Variants in SUCO observed in about 807,000 individuals in gnomAD.
The protein encoded by SUCO is SUN domain containing ossification factor.
In SUCO, 57 loss-of-function variants were observed where a neutral mutation model predicts 148.1. The ratio of observed to expected loss-of-function variants is 0.38; its 90% CI spans 0.31 to 0.48. SUCO has a LOEUF of 0.48. Among genes scored for constraint, SUCO ranks in the 20% least tolerant of loss-of-function variants. The pLI is 0.96. For missense variants in SUCO, 1,331 were observed against 1,468.2 expected, an observed-to-expected ratio of 0.91 and a Z score of 1.53; for synonymous variants, 470 against 502.7, an observed-to-expected ratio of 0.93 and a Z score of 0.87.
chr1:172,591,520 A>C (rs1354797752), intron 19 of SUCO, among the ~76,000 whole-genome samples: 6 of 146,826 alleles, frequency 4.1e-5, no homozygotes, highest in Non-Finnish European at 7.4e-5. Flanking sequence ...ATGAGTGAGA[A>C]TGTGCAGTGT....
At chr1:172,576,516 T>C (rs1655451324) in intron 11 of SUCO, among the ~76,000 whole-genome samples, 1 of 151,638 alleles carries the variant, frequency 6.6e-6, no homozygotes, top group Admixed American at 6.6e-5. Flanking sequence ...TCAAAATTAT[T>C]AGTTCAAAAA....
Position 172,552,052 on chromosome 1 carries a change from C to T in SUCO, c.177+426C>T, listed in dbSNP as rs553822624. 5 of 152,270 alleles carry T rather than the reference C, an allele frequency of 3.3e-5. No individual in the cohort carries two copies. The East Asian group carries it at 9.6e-4, about 29-fold the overall frequency. 9.4% of individuals were successfully genotyped at this position (152,270 alleles called of 1,614,324 possible). A position where few individuals can be genotyped will look rare whatever the true frequency, so the allele number is the denominator to read the frequency against. On this transcript the variant is annotated intron_variant, in intron 2 of 23. Transcript: ENST00000263688. ...AGTAAATATAAAGACTCCAAAAAAC[C>T]TCATGGTCTTAAAACATGTATTATT...
chr1:172,534,075 A>G (rs1447693531), intron 1 of SUCO, among the ~76,000 whole-genome samples: 3 of 152,040 alleles, frequency 2.0e-5, no homozygotes, highest in African/African-American at 7.3e-5. Flanking sequence ...CACTTTTTCA[A>G]TTGGTTTGGT....
chr1:172,575,967 A>G (rs779678431), intron 11 of SUCO, among the ~76,000 whole-genome samples: 1 of 151,866 alleles, frequency 6.6e-6, no homozygotes, highest in African/African-American at 2.4e-5. Flanking sequence ...TGAAGTCTTT[A>G]AAGCAGATGT....
In SUCO at chr1:172,609,394, C is replaced by T. The variant is rs148313471; in HGVS notation, c.3322-422C>T. On this transcript the variant is annotated intron_variant, in intron 23 of 23. Transcript: ENST00000263688. Reference sequence around the variant, plus strand: ...AATAGCCTAAGATTCATTCTCAACCCGGCTGCTTACTACATTGTAACTTGG... The same window carrying T: ...AATAGCCTAAGATTCATTCTCAACCTGGCTGCTTACTACATTGTAACTTGG... The T allele has an allele frequency of 3.1e-4, 297 of 957,282 alleles. 1 individual carries two copies. In the African/African-American group the frequency reaches 4.3e-3, roughly 14 times the overall value. The allele number at this position is 957,282 out of a possible 1,614,324, so 59.3% of individuals were successfully genotyped here. A position where few individuals can be genotyped will look rare whatever the true frequency, so the allele number is the denominator to read the frequency against.
upstream of SUCO, chr1:172,532,363 C>T: frequency 1.2e-6 from 1 of 833,600 alleles, no homozygotes; most frequent in South Asian, 1.8e-5. Flanking sequence ...AAGTTCGAAA[C>T]CAACAGAACG....
chr1:172,595,439 C>T (rs1484312550), intron 19 of SUCO, among the ~76,000 whole-genome samples: 5 of 152,144 alleles, frequency 3.3e-5, no homozygotes, highest in Admixed American at 6.5e-5. Flanking sequence ...TTCCACTTTT[C>T]GTGCTTCCTT....
At chr1:172,593,339 CCTTGT>C (rs1006493060) in intron 19 of SUCO, among the ~76,000 whole-genome samples, 21 of 152,318 alleles carry the variant, frequency 1.4e-4, no homozygotes, top group African/African-American at 4.6e-4. Flanking sequence ...GAGAGGGCAT[CCTTGT>C]CTTGTGCCAG....
At chr1:172,578,624 C>T in intron 14 of SUCO, 1 of 788,074 alleles carries the variant, frequency 1.3e-6, no homozygotes, top group South Asian at 5.8e-5. Context: ...AAACTCCCTT[C>T]TATAACATTA....
intron 19 of SUCO, among the ~76,000 whole-genome samples, chr1:172,596,758 C>G (rs193299171): frequency 1.5e-3 from 233 of 152,362 alleles, no homozygotes; most frequent in African/African-American, 5.5e-3. Flanking sequence ...AGGAGGCAGT[C>G]TGTTCATTCT....
intron 1 of SUCO, among the ~76,000 whole-genome samples, chr1:172,548,982 G>A (rs1017402389): frequency 1.3e-5 from 2 of 151,908 alleles, no homozygotes; most frequent in East Asian, 3.9e-4. Flanking sequence ...GCCAGTGGTT[G>A]TAGTATATTT....
chr1:172,609,036 C>T (rs1186164094), intron 23 of SUCO, among the ~76,000 whole-genome samples: 1 of 152,004 alleles, frequency 6.6e-6, no homozygotes, highest in African/African-American at 2.4e-5. Flanking sequence ...TAAAACAGAA[C>T]AGCATGCAAG....
intron 19 of SUCO, among the ~76,000 whole-genome samples, chr1:172,598,705 A>G (rs574311761): frequency 1.3e-5 from 2 of 152,340 alleles, no homozygotes; most frequent in East Asian, 1.9e-4. Context: ...TATTAATAGT[A>G]TTGGAAGTTA....
chr1:172,587,654 T>G (rs930926926), intron 17 of SUCO, among the ~76,000 whole-genome samples: 2 of 152,112 alleles, frequency 1.3e-5, no homozygotes, highest in Non-Finnish European at 2.9e-5. Context: ...CATTTACTGT[T>G]TTACTACCAA....
At chr1:172,555,070 TATTC>T (rs1251415227) in intron 3 of SUCO, among the ~76,000 whole-genome samples, 2 of 152,184 alleles carry the variant, frequency 1.3e-5, no homozygotes, top group Non-Finnish European at 2.9e-5. Context: ...TCTCACTTGA[TATTC>T]ATTTATTGAG....
chr1:172,594,718 AAT>A (rs1482329435), intron 19 of SUCO, among the ~76,000 whole-genome samples: 1 of 152,144 alleles, frequency 6.6e-6, no homozygotes, highest in Non-Finnish European at 1.5e-5. Flanking sequence ...TCAATTTTGG[AAT>A]AATTTTGTGG....
In SUCO at chr1:172,610,097, T is replaced by G. The variant is rs114399034; in HGVS notation, c.3603T>G (p.Ala1201=). 229 of 1,613,848 alleles carry G rather than the reference T, an allele frequency of 1.4e-4. No individual in the cohort carries two copies. In the East Asian group the frequency reaches 4.2e-3, roughly 29 times the overall value. Residue 1201 remains alanine, a synonymous_variant, in exon 24 of 24, where the codon GCT becomes GCG. Transcript: ENST00000263688. The stretch of plus-strand genomic sequence containing the variant: ...AAAAGACAAAAACTGAGAAGAGGGC[T>G]TTAAAACGAAGACGATCTAAAGTCC... ...QSQKTKTEKR[A]LKRRRSKVQD...
At chr1:172,562,550 A>G (rs1054752476) in intron 6 of SUCO, among the ~76,000 whole-genome samples, 4 of 152,092 alleles carry the variant, frequency 2.6e-5, no homozygotes, top group African/African-American at 9.7e-5. Context: ...CATGGCCAGG[A>G]TGGTCTTGAT....
chr1:172,570,053 C>T lies in SUCO; in HGVS notation c.863C>T (p.Ser288Leu), dbSNP rs534863341. ...AATAACGGTTTGTCTGCAGGTCAGT[C>T]GATGCATGCATCTTCTAATGGAGGT... ...VMEVEKEKSQSMHASSNGGSH... is the reference protein window; with the variant it reads ...VMEVEKEKSQLMHASSNGGSH... The change falls in exon 8 of 24, where the codon TCG becomes TTG. Residue 288 changes from serine (S) to leucine (L), a missense_variant. By Grantham distance (145) the Ser-to-Leu change is moderately radical. Around this residue, in one of 3 missense-constraint regions of SUCO, gnomAD observed 992 missense variants for 1,093.5 expected, o/e 0.91. Transcript: ENST00000263688. 25 of 1,527,262 alleles carry T rather than the reference C, an allele frequency of 1.6e-5. 1 individual carries two copies. The South Asian group carries it at 2.5e-4, about 15-fold the overall frequency. The allele number at this position is 1,527,262 out of a possible 1,614,324, so 94.6% of individuals were successfully genotyped here. A position where few individuals can be genotyped will look rare whatever the true frequency, so the allele number is the denominator to read the frequency against.
Sources: gnomAD v4.1 joint callset for allele counts (sites outside exome capture counted in the v4.1 genomes callset) on GRCh38, gnomAD v4.1.1 for gene constraint, gnomAD v4.1.1 regional missense constraint, MANE v1.5 for transcripts, NCBI Gene and HGNC (gene_info 2026-07-23, HGNC 2026-07-21) for gene names.